FOXP2: variants seen among roughly 807,000 people sequenced by gnomAD.
FOXP2 encodes forkhead box protein P2.
In FOXP2, 12 loss-of-function variants were observed where a neutral mutation model predicts 115.8. That is an observed-to-expected ratio of 0.10 (90% confidence interval 0.07 to 0.17). The LOEUF (loss-of-function observed/expected upper bound fraction) is 0.17. FOXP2 is among the 10% of genes least tolerant of loss of function. The pLI, the probability that FOXP2 is intolerant of heterozygous loss-of-function variation, is 1.00. For synonymous variants in FOXP2, 328 were observed against 297.7 expected (o/e 1.10, Z -1.05); for missense variants, 629 against 843.5 (o/e 0.75, Z 3.15).
At chr7:114,376,854 A>T (rs559489232) in intron 2 of FOXP2, among the ~76,000 whole-genome samples, 4 of 152,334 alleles carry the variant, frequency 2.6e-5, no homozygotes, top group Middle Eastern at 6.8e-3. Flanking sequence ...ATTGTGAGAA[A>T]GGAGCTGGAA....
At chr7:114,158,086 G>A (rs73716359), upstream of FOXP2, among the ~76,000 whole-genome samples, 1,331 of 152,144 alleles carry the variant, frequency 8.7e-3, 14 homozygotes, top group African/African-American at 0.03. Flanking sequence ...AAGAGTCAGT[G>A]GAAGACAGCT....
chr7:114,330,436 C>T (rs1206793878), intron 2 of FOXP2, among the ~76,000 whole-genome samples: 1 of 148,498 alleles, frequency 6.7e-6, no homozygotes, highest in African/African-American at 2.5e-5. Flanking sequence ...AGTTCGAGAA[C>T]AGCCTGGGCA....
rs78620356 is a variant in FOXP2 at position 114,524,975 on chromosome 7, G to T, written c.169-9642G>T. Among the ~76,000 whole-genome samples the T allele has an allele frequency of 6.2e-3, 937 of 152,192 alleles. 6 individuals are homozygous for T. Among genetic ancestry groups the T allele is most frequent in the African/African-American group, 0.022 (894 of 41,502 alleles). ...TCCCTTCCCTTAAAGTCCTAGAGGA[G>T]ATTAAAATACAACTTTTCAAAATAT... On this transcript the variant is annotated intron_variant, in intron 2 of 16. Coordinates refer to ENST00000350908, the MANE Select transcript of FOXP2 (RefSeq NM_014491.4).
At chr7:114,418,511 G>T (rs773519554) in intron 1 of FOXP2, among the ~76,000 whole-genome samples, 2 of 151,820 alleles carry the variant, frequency 1.3e-5, no homozygotes, top group African/African-American at 4.8e-5. Context: ...GTATTACAAA[G>T]TTCTTTTTCT....
At chr7:114,271,049 T>C (rs1457933147) in intron 1 of FOXP2, among the ~76,000 whole-genome samples, 1 of 152,014 alleles carries the variant, frequency 6.6e-6, no homozygotes, top group East Asian at 1.9e-4. Context: ...ATTGCTTCTG[T>C]TCCTTTATCA....
chr7:114,611,699 C>T (rs573337024), intron 3 of FOXP2, among the ~76,000 whole-genome samples: 8 of 152,274 alleles, frequency 5.3e-5, no homozygotes, highest in South Asian at 2.1e-4. Flanking sequence ...TCGCTATAAT[C>T]GCAATTCCTT....
At chr7:114,276,423 C>T (rs907426068) in intron 1 of FOXP2, among the ~76,000 whole-genome samples, 1 of 152,046 alleles carries the variant, frequency 6.6e-6, no homozygotes, top group African/African-American at 2.4e-5. Flanking sequence ...TCTCAACCTC[C>T]CAATGTGCTA....
chr7:114,258,678 C>A (rs1455581856), intron 1 of FOXP2, among the ~76,000 whole-genome samples: 3 of 152,176 alleles, frequency 2.0e-5, no homozygotes, highest in Non-Finnish European at 4.4e-5. Flanking sequence ...AGCAATGCTT[C>A]TGACAGTATT....
chr7:114,412,259 G>A (rs759880663), upstream of FOXP2, among the ~76,000 whole-genome samples: 40 of 152,026 alleles, frequency 2.6e-4, no homozygotes, highest in Non-Finnish European at 3.8e-4. Flanking sequence ...CTGCCATAGG[G>A]TTATAAAATG....
At chr7:114,358,794 T>C (rs1462613644) in intron 2 of FOXP2, among the ~76,000 whole-genome samples, 1 of 151,992 alleles carries the variant, frequency 6.6e-6, no homozygotes, top group African/African-American at 2.4e-5. Context: ...TGACTGGAGG[T>C]TCTTAACAGC....
intron 3 of FOXP2, among the ~76,000 whole-genome samples, chr7:114,606,940 G>T (rs945780431): frequency 6.6e-6 from 1 of 152,176 alleles, no homozygotes; most frequent in African/African-American, 2.4e-5. Context: ...GAAATCTGAA[G>T]TGGAGAGTTG....
intron 2 of FOXP2, among the ~76,000 whole-genome samples, chr7:114,500,554 G>A (rs529780090): frequency 2.4e-4 from 37 of 152,044 alleles, no homozygotes; most frequent in Non-Finnish European, 3.5e-4. Flanking sequence ...AGGAAAAGTA[G>A]GTCTTTCTTT....
chr7:114,389,904 A>C (rs1792545399), intron 2 of FOXP2, among the ~76,000 whole-genome samples: 1 of 151,462 alleles, frequency 6.6e-6, no homozygotes, highest in South Asian at 2.1e-4. Flanking sequence ...TGCTCCTGTA[A>C]TCCTAGCTAC....
intron 3 of FOXP2, among the ~76,000 whole-genome samples, chr7:114,603,241 C>T (rs1331089403): frequency 2.6e-5 from 4 of 152,144 alleles, no homozygotes; most frequent in Non-Finnish European, 5.9e-5. Flanking sequence ...ACTTTACCCA[C>T]TATCATAAAA....
intron 1 of FOXP2, among the ~76,000 whole-genome samples, chr7:114,110,736 G>A (rs1791248312): frequency 6.6e-6 from 1 of 152,078 alleles, no homozygotes; most frequent in African/African-American, 2.4e-5. Flanking sequence ...GATATCAATG[G>A]CAGAATGATG....
At chr7:114,598,517 T>C (rs923281290) in intron 3 of FOXP2, among the ~76,000 whole-genome samples, 2 of 149,392 alleles carry the variant, frequency 1.3e-5, no homozygotes, top group African/African-American at 5.0e-5. Context: ...TCACTTTGAT[T>C]TTTTTTTCTA....
At chr7:114,092,043 G>C (rs1426241792) in intron 1 of FOXP2, among the ~76,000 whole-genome samples, 1 of 151,790 alleles carries the variant, frequency 6.6e-6, no homozygotes, top group Admixed American at 6.6e-5. Flanking sequence ...TTCTGCTGTG[G>C]CAAATTATTT....
At chr7:114,319,978 T>C (rs963498843) in intron 2 of FOXP2, among the ~76,000 whole-genome samples, 1 of 152,168 alleles carries the variant, frequency 6.6e-6, no homozygotes, top group African/African-American at 2.4e-5. Flanking sequence ...AATCTACTCA[T>C]TGTTTCCATC....
intron 1 of FOXP2, among the ~76,000 whole-genome samples, chr7:114,278,025 TAAA>T (rs1198719493): frequency 1.0e-3 from 78 of 76,230 alleles, no homozygotes; most frequent in African/African-American, 3.3e-3. Flanking sequence ...AGACCTTGTC[TAAA>T]AAAAAAAAAA....
Sources: allele counts gnomAD v4.1 joint callset (sites outside exome capture counted in the v4.1 genomes callset), GRCh38; gene constraint gnomAD v4.1.1; transcripts MANE v1.5; gene names NCBI Gene and HGNC (gene_info 2026-07-23, HGNC 2026-07-21).